Variants in TCIRG1 observed in about 807,000 individuals in gnomAD.
TCIRG1 encodes V-type proton ATPase 116 kDa subunit a 3.
Under a neutral mutation model 95.5 loss-of-function variants are expected in TCIRG1, and 86 were observed. That is an observed-to-expected ratio of 0.90 (90% CI 0.76 to 1.08). The LOEUF (loss-of-function observed/expected upper bound fraction) is 1.08, where lower values mean the gene tolerates loss of function less well. Among genes scored for constraint, TCIRG1 ranks in the 50% least tolerant of loss-of-function variants. TCIRG1 has a pLI of 0.00. For missense variants in TCIRG1, 1,069 were observed against 1,140.2 expected (o/e 0.94, Z 0.90); for synonymous variants, 499 against 501.3 (o/e 1.00, Z 0.06).
At position 68,050,726 on chromosome 11, in the gene TCIRG1, G is replaced by A. The variant is rs1228429221; in HGVS notation, c.2415-15G>A. 3.7e-6 allele frequency: 6 copies of A among 1,613,736 alleles called. No homozygotes were observed. Among genetic ancestry groups the A allele is most frequent in the Non-Finnish European group, 5.1e-6 (6 of 1,180,022 alleles). On this transcript the variant is annotated splice_polypyrimidine_tract_variant and intron_variant, in intron 19 of 19. Transcript: ENST00000265686. ...GTGAGTTCCCCTCACCAACCCCTCT[G>A]CTTCTCACCCCCAGGGTGGAATTCC...
chr11:68,041,904 AAG>A lies in TCIRG1; in HGVS notation c.196+76_196+77del, dbSNP rs1590801263. The stretch of plus-strand genomic sequence containing the variant: ...CATGGGCCAAGTTTGATCTGAAAGG[AAG>A]AGTCTGGGTTTGCCAGGTGGAAGGC... On this transcript the variant is annotated intron_variant, in intron 3 of 19. Transcript: ENST00000265686. The A allele has an allele frequency of 2.1e-6, 3 of 1,408,822 alleles. No homozygotes were observed. In the East Asian group the frequency reaches 7.4e-5, roughly 35 times the overall value. The allele number at this position is 1,408,822 out of a possible 1,614,324, so 87.3% of individuals were successfully genotyped here. A position where few individuals can be genotyped will look rare whatever the true frequency, so the allele number is the denominator to read the frequency against.
chr11:68,042,725 C>A lies in TCIRG1; in HGVS notation c.279C>A (p.Asp93Glu), dbSNP rs1317016558. The A allele has an allele frequency of 6.5e-7, 1 of 1,546,776 alleles. No individual in the cohort carries two copies. The highest frequency in any genetic ancestry group is 1.2e-5 in the South Asian group (1 of 83,888). Reference sequence around the variant, plus strand: ...GGCTGCCGGCACCCCCACCCCGGGACCTGCTGCGCATCCAGGAGGAGACGG... The same window carrying A: ...GGCTGCCGGCACCCCCACCCCGGGAACTGCTGCGCATCCAGGAGGAGACGG... ...KGRLPAPPPR[D>E]LLRIQEETER... Residue 93 changes from aspartate (D) to glutamate (E), a missense_variant, in exon 4 of 20, where the codon GAC becomes GAA. By Grantham distance (45) the Asp-to-Glu change is conservative. Transcript: ENST00000265686.
chr11:68,043,808 C>G lies in TCIRG1; in HGVS notation c.714-6C>G. 1.3e-6 allele frequency: 2 copies of G among 1,559,750 alleles called. No homozygotes were observed. Among genetic ancestry groups the G allele is most frequent in the Non-Finnish European group, 8.7e-7 (1 of 1,151,984 alleles). ...TGGCCCCTCACGCAGCGCATCCTCC[C>G]TCCAGCTTCCACTGCCACGTCTTCC... On this transcript the variant is annotated splice_region_variant and splice_polypyrimidine_tract_variant and intron_variant, in intron 7 of 19. Coordinates refer to ENST00000265686, the MANE Select transcript of TCIRG1 (RefSeq NM_006019.4).
rs753324402 is a variant in TCIRG1 at position 68,045,083 on chromosome 11, C to A, written c.1146C>A (p.Arg382=). 2.4e-5 allele frequency: 39 copies of A among 1,602,320 alleles called. No homozygotes were observed. Among genetic ancestry groups the A allele is most frequent in the Admixed American group, 1.7e-5 (1 of 60,008 alleles). The change falls in exon 10 of 20, where the codon CGC becomes CGA. Residue 382 remains arginine (R), a synonymous_variant. Transcript: ENST00000265686. ...QGIVDAYGVG[R]YQEVNPAPYT... ...TCGTGGATGCCTACGGCGTGGGCCG[C>A]TACCAGGAGGTCAACCCCGGTGAGA...
chr11:68,039,476 C>A (rs191241622), intron 1 of TCIRG1, among the ~76,000 whole-genome samples: 1 of 152,142 alleles, frequency 6.6e-6, no homozygotes, highest in Non-Finnish European at 1.5e-5. Flanking sequence ...CCAGAGCCCA[C>A]CCCATTTGGA....
chr11:68,041,727 C>T, intron 2 of TCIRG1, 26 bp from the exon 3 acceptor site: 2 of 1,595,146 alleles, frequency 1.3e-6, no homozygotes, highest in Non-Finnish European at 1.7e-6. Context: ...TCCCGGGACA[C>T]TCACCCCTCC....
downstream of TCIRG1, among the ~76,000 whole-genome samples, chr11:68,051,161 G>A (rs1855785612): frequency 6.6e-6 from 1 of 152,198 alleles, no homozygotes; most frequent in Non-Finnish European, 1.5e-5. Context: ...GCTGTGAGCG[G>A]GTGTCTGGGT....
intron 10 of TCIRG1, among the ~76,000 whole-genome samples, chr11:68,046,512 G>A (rs1159296564): frequency 2.0e-5 from 3 of 152,036 alleles, no homozygotes; most frequent in African/African-American, 4.8e-5. Flanking sequence ...TAAGGACATC[G>A]GGCACACTGG....
chr11:68,043,498 G>A lies in TCIRG1; in HGVS notation c.630+1G>A. 1 of 1,572,814 alleles carries A rather than the reference G, an allele frequency of 6.4e-7. No individual in the cohort carries two copies. Among genetic ancestry groups the A allele is most frequent in the Non-Finnish European group, 8.6e-7 (1 of 1,159,472 alleles). On this transcript the variant is annotated splice_donor_variant, in intron 6 of 19. Coordinates refer to ENST00000265686, the MANE Select transcript of TCIRG1 (RefSeq NM_006019.4). LOFTEE classifies it high-confidence loss of function. ...GCAGCCGCTGGAGCACCCCGTGACGGTGAGCAGCTGGCGCTGGGCTGGGGG... is the reference window on the plus strand; with the variant it reads ...GCAGCCGCTGGAGCACCCCGTGACGATGAGCAGCTGGCGCTGGGCTGGGGG...
In TCIRG1 at chr11:68,049,796, C is replaced by T. The variant is rs758094579; in HGVS notation, c.2013+8C>T. On this transcript the variant is annotated splice_region_variant and intron_variant, in intron 16 of 19. Transcript: ENST00000265686. ...AGGCCCGCTGACCGACAGGTGGGAC[C>T]GGGGCCTAAGGTGTGGGGGGCTGCT... The T allele has an allele frequency of 5.7e-6, 9 of 1,566,552 alleles. No individual in the cohort carries two copies. Among genetic ancestry groups the T allele is most frequent in the South Asian group, 2.3e-5 (2 of 86,738 alleles).
intron 13 of TCIRG1, 84 bp downstream of exon 13, chr11:68,048,056 A>C: frequency 8.0e-7 from 1 of 1,249,682 alleles, no homozygotes; most frequent in Admixed American, 1.8e-5. Context: ...GCCGTCCTGC[A>C]GCGCTGTCGC....
intron 10 of TCIRG1, 40 bp from the exon 11 acceptor site, chr11:68,047,393 T>C: frequency 6.2e-7 from 1 of 1,611,356 alleles, no homozygotes; most frequent in South Asian, 1.1e-5. Flanking sequence ...CAGATGCTGG[T>C]GTGTTCGGGG....
intron 1 of TCIRG1, 37 bp from the exon 2 acceptor site, chr11:68,041,231 C>G: frequency 1.4e-6 from 2 of 1,414,616 alleles, no homozygotes; most frequent in Non-Finnish European, 2.0e-6. Flanking sequence ...TGTCTGTGGT[C>G]TGCCCCTGAC....
In TCIRG1 at chr11:68,047,563, G is replaced by A. The variant is rs200900947; in HGVS notation, c.1296G>A (p.Ala432=). 1,017 of 1,613,742 alleles carry A rather than the reference G, an allele frequency of 6.3e-4. 2 individuals carry two copies. The highest frequency in any genetic ancestry group is 7.9e-4 in the Non-Finnish European group (937 of 1,180,028). The change falls in exon 11 of 20, where the codon GCG becomes GCA. Residue 432 remains alanine, a synonymous_variant. Coordinates refer to ENST00000265686, the MANE Select transcript of TCIRG1 (RefSeq NM_006019.4). ...AGAACCGACCGGCTGTGAAGGCCGC[G>A]CAGAACGAGGTGAGGGGCGGGGCTG... The part of the protein sequence containing the change: ...LAENRPAVKA[A]QNEIWQTFFR...
rs796281616 is a variant in TCIRG1, at chr11:68,042,889, T to G, written c.417+26T>G. 5.2e-6 allele frequency: 8 copies of G among 1,549,986 alleles called. No homozygotes were observed. The African/African-American group carries it at 8.2e-5, about 16-fold the overall frequency. On this transcript the variant is annotated intron_variant, in intron 4 of 19. Transcript: ENST00000265686. ...GTCAGCTCCCACCCAGGCAGGAGAC[T>G]GGGGGGCTGGGGAGGGGCTGTCCAG...
rs2134464515 is a variant in TCIRG1, at chr11:68,050,161, C to G, written c.2143C>G (p.His715Asp). 7 of 1,613,490 alleles carry G rather than the reference C, an allele frequency of 4.3e-6. No individual in the cohort carries two copies. Among genetic ancestry groups the G allele is most frequent in the Non-Finnish European group, 5.9e-6 (7 of 1,179,924 alleles). Residue 715 changes from histidine to aspartate, a missense_variant, in exon 18 of 20, where the codon CAC (histidine) becomes GAC (aspartate). By Grantham distance (81) the His-to-Asp change is moderately conservative. Coordinates refer to ENST00000265686, the MANE Select transcript of TCIRG1 (RefSeq NM_006019.4). Reference protein sequence around the residue: ...AELVPSEVLMHQAIHTIEFCL... With the variant: ...AELVPSEVLMDQAIHTIEFCL... ...GCTCGTCCCCTCCGAGGTGCTCATG[C>G]ACCAGGCCATCCACACCATCGAGTT...
chr11:68,041,354 G>T lies in TCIRG1; in HGVS notation c.83G>T (p.Arg28Leu), dbSNP rs747914463. 1 of 1,613,098 alleles carries T rather than the reference G, an allele frequency of 6.2e-7. No individual in the cohort carries two copies. Among genetic ancestry groups the T allele is most frequent in the South Asian group, 1.1e-5 (1 of 91,082 alleles). ...PTAAAYTCVS[R>L]LGELGLVEFR... The stretch of plus-strand genomic sequence containing the variant: ...GCGGCTGCCTACACCTGCGTGAGTC[G>T]GCTGGGCGAGCTGGGCCTCGTGGAG... Residue 28 changes from arginine (R) to leucine (L), a missense_variant, in exon 2 of 20, where the codon CGG becomes CTG. Physicochemically the swap from Arg to Leu is moderately radical, Grantham distance 102 (BLOSUM62 -2). Transcript: ENST00000265686.
At chr11:68,052,688 TGGA>T, downstream of TCIRG1, 1 of 147,992 alleles carries the variant, frequency 6.8e-6, no homozygotes, top group East Asian at 2.0e-4. Context: ...GAGGAGGAGG[TGGA>T]GGAGGGCTGA....
downstream of TCIRG1, chr11:68,053,686 T>G (rs1289187029): frequency 8.9e-6 from 3 of 337,618 alleles, no homozygotes; most frequent in Non-Finnish European, 1.6e-5. Context: ...CTCATCTGAC[T>G]GGAAACCTTA....
Sources: allele counts gnomAD v4.1 joint callset (sites outside exome capture counted in the v4.1 genomes callset), GRCh38; gene constraint gnomAD v4.1.1; transcripts MANE v1.5; gene names NCBI Gene and HGNC (gene_info 2026-07-23, HGNC 2026-07-21).